Variants in FZD6 observed in about 807,000 individuals in gnomAD.
FZD6 encodes frizzled class receptor 6.
Under a neutral mutation model 61.4 loss-of-function variants are expected in FZD6, and 49 were observed. The ratio of observed to expected loss-of-function variants is 0.80; its 90% CI spans 0.63 to 1.01. FZD6 has a LOEUF of 1.01. Among genes scored for constraint, FZD6 ranks in the 50% least tolerant of loss-of-function variants. The pLI, the probability that FZD6 is intolerant of heterozygous loss-of-function variation, is 0.00. For missense variants in FZD6, 724 were observed against 848.2 expected (o/e 0.85, Z 1.82); for synonymous variants, 265 against 292.2 (o/e 0.91, Z 0.95).
At chr8:103,306,095 G>A (rs1427374677) in intron 2 of FZD6, among the ~76,000 whole-genome samples, 1 of 152,154 alleles carries the variant, frequency 6.6e-6, no homozygotes, top group Non-Finnish European at 1.5e-5. Flanking sequence ...TTCCTTTGTA[G>A]TATCAATCAG....
chr8:103,309,503 T>G (rs1814435923), intron 2 of FZD6, among the ~76,000 whole-genome samples: 1 of 152,234 alleles, frequency 6.6e-6, no homozygotes, highest in African/African-American at 2.4e-5. Flanking sequence ...TCTAGTGGTG[T>G]TGCCAATCTC....
Position 103,329,886 on chromosome 8 carries a change from C to G in FZD6, c.1773C>G (p.Thr591=). The change falls in exon 6 of 7, where the codon ACC becomes ACG. Residue 591 remains threonine (T), a synonymous_variant. Coordinates refer to ENST00000358755, the MANE Select transcript of FZD6 (RefSeq NM_003506.4). ...LGQETLTEIQ[T]SPETSMREVK... is the part of the protein sequence containing the mutation. ...AAGAAACTTTGACAGAAATCCAAAC[C>G]TCACCAGAAACATCAATGAGAGAGG... 6.2e-7 allele frequency: 1 copy of G among 1,614,152 alleles called. No individual in the cohort carries two copies. Among genetic ancestry groups the G allele is most frequent in the East Asian group, 2.2e-5 (1 of 44,880 alleles).
intron 3 of FZD6, among the ~76,000 whole-genome samples, chr8:103,321,557 A>T (rs1814788447): frequency 1.3e-5 from 2 of 152,250 alleles, no homozygotes; most frequent in South Asian, 4.1e-4. Context: ...TAACTGTGGT[A>T]AAAACATGAA....
chr8:103,320,680 A>T (rs1269201310), intron 3 of FZD6, among the ~76,000 whole-genome samples: 1 of 152,002 alleles, frequency 6.6e-6, no homozygotes, highest in Non-Finnish European at 1.5e-5. Flanking sequence ...GCTTGAGTTG[A>T]TTTTTGGAGA....
At chr8:103,328,034 T>G (rs1480081767) in intron 4 of FZD6, among the ~76,000 whole-genome samples, 1 of 152,186 alleles carries the variant, frequency 6.6e-6, no homozygotes, top group Non-Finnish European at 1.5e-5. Flanking sequence ...GAGATTATTC[T>G]TAAATATATT....
intron 3 of FZD6, among the ~76,000 whole-genome samples, chr8:103,322,294 T>C (rs1382660588): frequency 1.3e-5 from 2 of 151,540 alleles, no homozygotes; most frequent in Admixed American, 1.3e-4. Flanking sequence ...ACAGCTGTAT[T>C]CTCAGCTATT....
intron 2 of FZD6, 79 bp from the exon 3 acceptor site, chr8:103,318,511 T>C (rs932607744): frequency 4.7e-6 from 4 of 845,794 alleles, no homozygotes; most frequent in Non-Finnish European, 8.0e-6. Flanking sequence ...AAAAAGCATA[T>C]ACTTTAAACA....
At chr8:103,322,546 A>G (rs1344259559) in intron 3 of FZD6, among the ~76,000 whole-genome samples, 1 of 152,184 alleles carries the variant, frequency 6.6e-6, no homozygotes, top group Non-Finnish European at 1.5e-5. Context: ...TAACTTATGA[A>G]TGAATGTATC....
intron 2 of FZD6, among the ~76,000 whole-genome samples, chr8:103,304,275 A>G (rs1001283309): frequency 6.6e-6 from 1 of 152,220 alleles, no homozygotes; most frequent in Non-Finnish European, 1.5e-5. Context: ...AGCCTGTTTT[A>G]TAGAATTTAA....
In FZD6 at chr8:103,331,723, TTAA is replaced by T. The variant is rs1815140938; in HGVS notation, c.*220_*222del. On this transcript the variant is annotated 3_prime_UTR_variant, in exon 7 of 7. Transcript: ENST00000358755. ...TACCTGAAAACAGAAAATGTGCAGG[TTAA>T]TAATATTTTTTTAATAGTGTGGGAG... The T allele has an allele frequency of 2.0e-6, 1 of 506,506 alleles. No individual in the cohort carries two copies. The highest frequency in any genetic ancestry group is 3.2e-5 in the Admixed American group (1 of 31,094). The allele number at this position is 506,506 out of a possible 1,614,324, so 31.4% of individuals were successfully genotyped here.
chr8:103,326,081 T>C (rs1049078967), intron 4 of FZD6, among the ~76,000 whole-genome samples: 4 of 152,160 alleles, frequency 2.6e-5, no homozygotes, highest in Non-Finnish European at 5.9e-5. Context: ...TCTGAAAATA[T>C]AAAATTTCTT....
At chr8:103,305,757 A>G (rs1814312437) in intron 2 of FZD6, among the ~76,000 whole-genome samples, 1 of 152,258 alleles carries the variant, frequency 6.6e-6, no homozygotes. Flanking sequence ...TTGCAGTAGC[A>G]GGGAAAGTCC....
At chr8:103,299,296 G>C (rs1484661540) in intron 1 of FZD6, among the ~76,000 whole-genome samples, 1 of 152,232 alleles carries the variant, frequency 6.6e-6, no homozygotes, top group East Asian at 1.9e-4. Flanking sequence ...GTGTTGGGGC[G>C]CGGGTAATTC....
chr8:103,309,276 T>C (rs999352345), intron 2 of FZD6, among the ~76,000 whole-genome samples: 1 of 152,192 alleles, frequency 6.6e-6, no homozygotes, highest in Admixed American at 6.5e-5. Flanking sequence ...GGCAAAGATA[T>C]GCTGCTGTCC....
intron 2 of FZD6, among the ~76,000 whole-genome samples, chr8:103,312,469 CA>C (rs1814523557): frequency 6.6e-6 from 1 of 152,194 alleles, no homozygotes; most frequent in South Asian, 2.1e-4. Flanking sequence ...CATAGATTTG[CA>C]CTTTAATTCA....
rs374148475 is a variant in FZD6, at chr8:103,301,069, G to C, written c.177+785G>C. Reference sequence around the variant, plus strand: ...AGTTTTTCTCCAGAAAAACAGAATAGTAAAGGCTTTTTTCCCTCAGATTGT... The same window carrying C: ...AGTTTTTCTCCAGAAAAACAGAATACTAAAGGCTTTTTTCCCTCAGATTGT... On this transcript the variant is annotated intron_variant, in intron 2 of 6. Transcript: ENST00000358755. Among the ~76,000 whole-genome samples the C allele has an allele frequency of 2.8e-4, 43 of 152,262 alleles. No homozygotes were observed. In the East Asian group the frequency reaches 3.7e-3, roughly 13 times the overall value.
At chr8:103,311,767 G>T (rs1814503962) in intron 2 of FZD6, among the ~76,000 whole-genome samples, 1 of 150,814 alleles carries the variant, frequency 6.6e-6, no homozygotes, top group Non-Finnish European at 1.5e-5. Context: ...TTGATCTCCA[G>T]TTCTTCTACT....
chr8:103,316,738 A>G (rs572637749), intron 2 of FZD6, among the ~76,000 whole-genome samples: 1 of 152,214 alleles, frequency 6.6e-6, no homozygotes, highest in South Asian at 2.1e-4. Flanking sequence ...ATTTAGTTAC[A>G]TGTATTCTGT....
At chr8:103,308,120 G>A (rs1814393135) in intron 2 of FZD6, among the ~76,000 whole-genome samples, 1 of 152,168 alleles carries the variant, frequency 6.6e-6, no homozygotes, top group South Asian at 2.1e-4. Context: ...GCACTCTTCT[G>A]CCACCATGGC....
Sources: allele counts gnomAD v4.1 joint callset (sites outside exome capture counted in the v4.1 genomes callset), GRCh38; gene constraint gnomAD v4.1.1; transcripts MANE v1.5; gene names NCBI Gene and HGNC (gene_info 2026-07-23, HGNC 2026-07-21).